NALF1: variants seen among roughly 807,000 people sequenced by gnomAD.
The protein encoded by NALF1 is family with sequence similarity 155 member A.
In NALF1, 3 loss-of-function variants were observed where a neutral mutation model predicts 48.4. That is an observed-to-expected ratio of 0.06 (90% CI 0.03 to 0.16). The LOEUF (loss-of-function observed/expected upper bound fraction) is 0.16. Ranked by LOEUF, NALF1 falls within the 10% of genes least tolerant of loss-of-function variation. NALF1 has a pLI of 1.00. For synonymous variants in NALF1, 262 were observed against 245.7 expected, an observed-to-expected ratio of 1.07 and a Z score of -0.62; for missense variants, 526 against 571.5, an observed-to-expected ratio of 0.92 and a Z score of 0.81.
intron 2 of NALF1, among the ~76,000 whole-genome samples, chr13:107,188,733 T>C (rs1319814485): frequency 6.6e-6 from 1 of 152,124 alleles, no homozygotes; most frequent in East Asian, 1.9e-4. Context: ...TACCCAGCTG[T>C]ATGTGGACAA....
At chr13:107,673,266 G>A (rs1222793300) in intron 1 of NALF1, among the ~76,000 whole-genome samples, 1 of 152,114 alleles carries the variant, frequency 6.6e-6, no homozygotes, top group Non-Finnish European at 1.5e-5. Context: ...CAGGGGAAAT[G>A]CTTTAATGAA....
chr13:107,853,944 T>TA (rs1459248916), intron 1 of NALF1, among the ~76,000 whole-genome samples: 2 of 152,224 alleles, frequency 1.3e-5, no homozygotes, highest in African/African-American at 4.8e-5. Context: ...AAAAAATACT[T>TA]AAAGATTGGA....
At chr13:107,302,931 C>A (rs1433029053) in intron 1 of NALF1, among the ~76,000 whole-genome samples, 1 of 152,170 alleles carries the variant, frequency 6.6e-6, no homozygotes, top group Admixed American at 6.5e-5. Flanking sequence ...TGTGCAAAAA[C>A]AAGCTGTGTG....
intron 1 of NALF1, among the ~76,000 whole-genome samples, chr13:107,535,305 T>C (rs1342508016): frequency 6.6e-6 from 1 of 152,144 alleles, no homozygotes. Context: ...CAGTATGATA[T>C]TGGCTGTGGG....
intron 1 of NALF1, among the ~76,000 whole-genome samples, chr13:107,232,851 G>GTGCTCCTA (rs1232474558): frequency 2.0e-5 from 3 of 152,118 alleles, no homozygotes; most frequent in African/African-American, 7.2e-5. Flanking sequence ...TTCATATGTT[G>GTGCTCCTA]TGCTCCTACC....
chr13:107,718,561 C>T (rs936860425), intron 1 of NALF1, among the ~76,000 whole-genome samples: 1 of 152,120 alleles, frequency 6.6e-6, no homozygotes, highest in Non-Finnish European at 1.5e-5. Context: ...GAGGAAAAGG[C>T]AGTTCTTGAG....
chr13:107,514,700 C>T lies in NALF1; in HGVS notation c.916-303945G>A, dbSNP rs539034064. On this transcript the variant is annotated intron_variant, in intron 1 of 2. Coordinates refer to ENST00000375915, the MANE Select transcript of NALF1 (RefSeq NM_001080396.3). ...GTTACTTTTATTAACTGAATCCTGC[C>T]CTTCTTTGCTCAGAGATGTCAAAAA... Among the ~76,000 whole-genome samples, 4 of 152,154 alleles carry T rather than the reference C, an allele frequency of 2.6e-5. No individual in the cohort carries two copies. The South Asian group carries it at 8.3e-4, about 32-fold the overall frequency.
chr13:107,698,673 C>T (rs1052854018), intron 1 of NALF1, among the ~76,000 whole-genome samples: 1 of 152,088 alleles, frequency 6.6e-6, no homozygotes, highest in Admixed American at 6.6e-5. Flanking sequence ...TACAAATTGA[C>T]TCCAATTTGT....
At chr13:107,450,990 T>C (rs1352772041) in intron 1 of NALF1, among the ~76,000 whole-genome samples, 2 of 152,194 alleles carry the variant, frequency 1.3e-5, no homozygotes, top group Non-Finnish European at 2.9e-5. Flanking sequence ...GAAATAACAC[T>C]GGATTTCACA....
intron 1 of NALF1, among the ~76,000 whole-genome samples, chr13:107,643,672 C>T (rs925868743): frequency 6.6e-6 from 1 of 151,356 alleles, no homozygotes; most frequent in Non-Finnish European, 1.5e-5. Flanking sequence ...TTTTAGTTTT[C>T]GAGTCTTTAC....
chr13:107,424,944 A>C (rs751603615), intron 1 of NALF1, among the ~76,000 whole-genome samples: 16 of 152,198 alleles, frequency 1.1e-4, no homozygotes, highest in Non-Finnish European at 1.5e-4. Flanking sequence ...AATGGAACAC[A>C]TCAAATATAT....
At chr13:107,480,485 A>G (rs1885238092) in intron 1 of NALF1, among the ~76,000 whole-genome samples, 1 of 152,192 alleles carries the variant, frequency 6.6e-6, no homozygotes, top group Non-Finnish European at 1.5e-5. Context: ...AGTCTCTAAC[A>G]GGGGTGTCCA....
intron 1 of NALF1, among the ~76,000 whole-genome samples, chr13:107,818,974 G>A (rs1409964730): frequency 5.3e-5 from 8 of 151,736 alleles, no homozygotes; most frequent in Non-Finnish European, 1.0e-4. Flanking sequence ...AGAATGCTGA[G>A]GACTTATAAA....
intron 1 of NALF1, among the ~76,000 whole-genome samples, chr13:107,283,624 A>C (rs765715493): frequency 3.5e-4 from 24 of 68,836 alleles, no homozygotes; most frequent in Non-Finnish European, 5.8e-4. Context: ...TTCATTATTT[A>C]TTTATTTATT....
chr13:107,796,762 T>C (rs1228227378), intron 1 of NALF1, among the ~76,000 whole-genome samples: 2 of 152,142 alleles, frequency 1.3e-5, no homozygotes, highest in Admixed American at 6.5e-5. Context: ...TCAGAGTACT[T>C]TTCTAAAATA....
chr13:107,666,650 A>C lies in NALF1; in HGVS notation c.915+199032T>G, dbSNP rs80131667. On this transcript the variant is annotated intron_variant, in intron 1 of 2. Coordinates refer to ENST00000375915, the MANE Select transcript of NALF1 (RefSeq NM_001080396.3). Reference sequence around the variant, plus strand: ...CTCTTCAATTAGGACAAACGAGATTAATTTTATCTTCACAAATTGATGTGG... The same window carrying C: ...CTCTTCAATTAGGACAAACGAGATTCATTTTATCTTCACAAATTGATGTGG... Among the ~76,000 whole-genome samples, 92 of 152,250 alleles carry C rather than the reference A, an allele frequency of 6.0e-4. No individual in the cohort carries two copies. In the East Asian group the frequency reaches 0.017, roughly 27 times the overall value.
At chr13:107,181,766 A>G (rs2138775337) in intron 2 of NALF1, among the ~76,000 whole-genome samples, 1 of 152,156 alleles carries the variant, frequency 6.6e-6, no homozygotes, top group African/African-American at 2.4e-5. Flanking sequence ...TTATGTCTGT[A>G]GGCACAGAAA....
chr13:107,310,088 T>G (rs917344298), intron 1 of NALF1, among the ~76,000 whole-genome samples: 1 of 152,140 alleles, frequency 6.6e-6, no homozygotes, highest in Non-Finnish European at 1.5e-5. Flanking sequence ...TGTTTAGCTT[T>G]TAATGTCTTG....
Position 107,846,963 on chromosome 13 carries a change from A to G in NALF1, c.915+18719T>C, listed in dbSNP as rs74112680. 8.5e-3 allele frequency among the ~76,000 whole-genome samples: 1,292 copies of G among 152,336 alleles called. 14 individuals carry two copies. The highest frequency in any genetic ancestry group is 0.029 in the African/African-American group (1,218 of 41,574). On this transcript the variant is annotated intron_variant, in intron 1 of 2. Coordinates refer to ENST00000375915, the MANE Select transcript of NALF1 (RefSeq NM_001080396.3). ...TTCCAAAGATTTATTAATTTGCTCC[A>G]AAATACATTTTTAGGAAACAGACTT...
Sources: allele counts gnomAD v4.1 joint callset (sites outside exome capture counted in the v4.1 genomes callset), GRCh38; gene constraint gnomAD v4.1.1; transcripts MANE v1.5; gene names NCBI Gene and HGNC (gene_info 2026-07-23, HGNC 2026-07-21).